LYRM4: variants seen among roughly 807,000 people sequenced by gnomAD.
The protein encoded by LYRM4 is LYR motif-containing protein 4.
LYRM4 carries 9 observed loss-of-function variants against 11.7 expected under a neutral mutation model. The observed-to-expected ratio is 0.77, with a 90% CI of 0.46 to 1.34. The LOEUF (loss-of-function observed/expected upper bound fraction) is 1.34. Among genes scored for constraint, LYRM4 ranks in the 40% most tolerant of loss-of-function variants. LYRM4 has a pLI of 0.00. For missense variants in LYRM4, 133 were observed against 112.5 expected (o/e 1.18, Z -0.82); for synonymous variants, 42 against 40.4 (o/e 1.04, Z -0.15).
intron 2 of LYRM4, among the ~76,000 whole-genome samples, chr6:5,119,615 C>T (rs542781923): frequency 6.6e-6 from 1 of 151,770 alleles, no homozygotes; most frequent in Non-Finnish European, 1.5e-5. Flanking sequence ...GACAAGACCC[C>T]GTCGCTACTA....
At chr6:5,198,320 A>C (rs1026363834) in intron 2 of LYRM4, among the ~76,000 whole-genome samples, 1 of 152,226 alleles carries the variant, frequency 6.6e-6, no homozygotes, top group Non-Finnish European at 1.5e-5. Flanking sequence ...TATATTTTGC[A>C]TGAAAAAAGA....
At chr6:5,090,953 G>A in the LYRM4 span, among the ~76,000 whole-genome samples, 4 of 152,152 alleles carry the variant, frequency 2.6e-5, no homozygotes, top group African/African-American at 4.8e-5. The surrounding 1 kb of genome is among the most constrained non-coding windows in gnomAD (Gnocchi z 4.8). Context: ...TTTATCAGGA[G>A]TGTAAGGAAC....
the LYRM4 span, among the ~76,000 whole-genome samples, chr6:5,036,348 G>T: frequency 6.6e-6 from 1 of 152,034 alleles, no homozygotes; most frequent in East Asian, 1.9e-4. Context: ...GAGATAGGAG[G>T]GAAAAAACAG....
intron 2 of LYRM4, among the ~76,000 whole-genome samples, chr6:5,196,199 T>A (rs1761045990): frequency 6.6e-6 from 1 of 152,074 alleles, no homozygotes; most frequent in African/African-American, 2.4e-5. Context: ...GCCTTTCCAG[T>A]CCCCATCATC....
At chr6:5,136,890 C>A (rs1428296753) in intron 2 of LYRM4, 2 of 939,710 alleles carry the variant, frequency 2.1e-6, no homozygotes, top group Non-Finnish European at 2.5e-6. Flanking sequence ...GTGTACAATT[C>A]AATGGTTTTT....
the LYRM4 span, among the ~76,000 whole-genome samples, chr6:5,052,233 T>A: frequency 6.6e-6 from 1 of 152,230 alleles, no homozygotes; most frequent in Non-Finnish European, 1.5e-5. Context: ...AATAGTATTA[T>A]TGCAACTTTG....
chr6:5,191,036 A>C (rs1760721573), intron 2 of LYRM4, among the ~76,000 whole-genome samples: 1 of 152,234 alleles, frequency 6.6e-6, no homozygotes, highest in Non-Finnish European at 1.5e-5. Context: ...TATTTTAATA[A>C]GAATTTTTCC....
chr6:5,076,193 G>A, the LYRM4 span, among the ~76,000 whole-genome samples: 4 of 152,048 alleles, frequency 2.6e-5, no homozygotes, highest in Admixed American at 2.0e-4. Flanking sequence ...TGATCCACCC[G>A]TCTTGGCCTC....
Position 5,245,139 on chromosome 6 carries a change from T to A in LYRM4, c.86+15509A>T, listed in dbSNP as rs1245241325. Among the ~76,000 whole-genome samples the A allele has an allele frequency of 3.6e-4, 30 of 83,596 alleles. 3 individuals are homozygous for A. Among genetic ancestry groups the A allele is most frequent in the South Asian group, 1.5e-3 (3 of 1,998 alleles). 54.8% of individuals were successfully genotyped at this position (83,596 alleles called of 152,430 possible). On this transcript the variant is annotated intron_variant, in intron 1 of 2. Transcript: ENST00000330636. ...ATATATATATATATATATATATATA[T>A]ATATATATATATATATATATATATA...
intron 1 of LYRM4, among the ~76,000 whole-genome samples, chr6:5,241,413 A>G (rs1763872428): frequency 2.0e-5 from 3 of 152,384 alleles, no homozygotes; most frequent in Middle Eastern, 3.4e-3. Flanking sequence ...TCCCTAAGGC[A>G]GTAAACAGTC....
At chr6:5,085,061 CAA>C in the LYRM4 span, 4 of 187,970 alleles carry the variant, frequency 2.1e-5, no homozygotes, top group South Asian at 5.6e-4. Flanking sequence ...TCGAGGCACT[CAA>C]GAAGCGGAAC....
At chr6:5,203,431 T>C (rs1481109756) in intron 2 of LYRM4, among the ~76,000 whole-genome samples, 3 of 152,162 alleles carry the variant, frequency 2.0e-5, no homozygotes, top group African/African-American at 4.8e-5. Flanking sequence ...ACACCTTTAT[T>C]CAAATTAAGG....
At chr6:5,128,053 C>G (rs1020861826) in intron 2 of LYRM4, among the ~76,000 whole-genome samples, 2 of 152,172 alleles carry the variant, frequency 1.3e-5, no homozygotes, top group African/African-American at 4.8e-5. Context: ...GACATTTACA[C>G]CATCCTTTAC....
chr6:5,221,713 C>T (rs1240351897), intron 1 of LYRM4, among the ~76,000 whole-genome samples: 1 of 152,158 alleles, frequency 6.6e-6, no homozygotes, highest in Non-Finnish European at 1.5e-5. Flanking sequence ...AACAAACAAA[C>T]AAAAACCTGA....
chr6:5,120,280 C>T (rs1054810598), intron 2 of LYRM4, among the ~76,000 whole-genome samples: 1 of 152,104 alleles, frequency 6.6e-6, no homozygotes, highest in Non-Finnish European at 1.5e-5. Context: ...CTTTCTGTTC[C>T]CTCTGCAGGA....
At chr6:5,175,371 CA>C (rs772285349) in intron 2 of LYRM4, among the ~76,000 whole-genome samples, 3 of 152,192 alleles carry the variant, frequency 2.0e-5, no homozygotes, top group Non-Finnish European at 4.4e-5. Flanking sequence ...TCTAGTCAGC[CA>C]CAGCGCCCTC....
At chr6:5,047,785 G>C in the LYRM4 span, among the ~76,000 whole-genome samples, 1 of 152,074 alleles carries the variant, frequency 6.6e-6, no homozygotes, top group African/African-American at 2.4e-5. Context: ...ACACCAATAC[G>C]GTATTAGTGT....
At chr6:5,152,490 T>C (rs1758145069) in intron 2 of LYRM4, among the ~76,000 whole-genome samples, 1 of 152,116 alleles carries the variant, frequency 6.6e-6, no homozygotes, top group Non-Finnish European at 1.5e-5. Context: ...TTAAAAACTA[T>C]ACCCCATCGT....
At chr6:5,256,692 T>A (rs1225074318) in intron 1 of LYRM4, among the ~76,000 whole-genome samples, 1 of 151,880 alleles carries the variant, frequency 6.6e-6, no homozygotes, top group African/African-American at 2.4e-5. Flanking sequence ...TGCTCATCAC[T>A]CCTCTGAGCT....
Sources: gnomAD v4.1 joint callset for allele counts (sites outside exome capture counted in the v4.1 genomes callset) on GRCh38, gnomAD v4.1.1 for gene constraint, Gnocchi (gnomAD v3.1) non-coding constraint, MANE v1.5 for transcripts, NCBI Gene and HGNC (gene_info 2026-07-23, HGNC 2026-07-21) for gene names.